The following AKAP19 variants were observed in gnomAD, a reference collection of about 807,000 sequenced individuals.
AKAP19 encodes small A-kinase anchoring protein.
the AKAP19 span, among the ~76,000 whole-genome samples, chr2:190,069,173 T>TGAGAGAGAGAGA: frequency 3.0e-5 from 3 of 98,858 alleles, no homozygotes; most frequent in African/African-American, 1.0e-4. Flanking sequence ...TGTGTGTGTG[T>TGAGAGAGAGAGA]GTGAGAGAGA....
chr2:190,076,196 C>T, the AKAP19 span, among the ~76,000 whole-genome samples: 2 of 152,104 alleles, frequency 1.3e-5, no homozygotes, highest in African/African-American at 4.8e-5. Flanking sequence ...AGTGTTTCAA[C>T]ATAAACACTT....
the AKAP19 span, among the ~76,000 whole-genome samples, chr2:190,146,560 C>A: frequency 6.6e-6 from 1 of 152,266 alleles, no homozygotes; most frequent in South Asian, 2.1e-4. Context: ...ACTTTTAGTT[C>A]TTTAAGGAAT....
At chr2:189,887,428 C>T in the AKAP19 span, among the ~76,000 whole-genome samples, 5 of 152,174 alleles carry the variant, frequency 3.3e-5, no homozygotes, top group African/African-American at 1.2e-4. Flanking sequence ...GACAGTGCCG[C>T]AATAAACCTA....
At chr2:190,191,172 C>CT in the AKAP19 span, among the ~76,000 whole-genome samples, 28 of 152,270 alleles carry the variant, frequency 1.8e-4, no homozygotes, top group East Asian at 4.8e-3. Context: ...GAGTCTCACT[C>CT]TGTCACCCAG....
the AKAP19 span, among the ~76,000 whole-genome samples, chr2:190,026,034 G>C: frequency 2.0e-5 from 3 of 152,106 alleles, no homozygotes; most frequent in African/African-American, 7.2e-5. Flanking sequence ...TTAAACTGCT[G>C]AACATCTGCT....
the AKAP19 span, chr2:190,137,932 C>G: frequency 1.6e-3 from 6 of 3,660 alleles, no homozygotes; most frequent in African/African-American, 1.8e-3. Context: ...TTACTTTCTA[C>G]CCATCTCTGA....
the AKAP19 span, among the ~76,000 whole-genome samples, chr2:190,128,481 G>A: frequency 3.3e-5 from 5 of 152,318 alleles, no homozygotes; most frequent in Admixed American, 2.0e-4. Context: ...GAACTGTAAC[G>A]GAGAAGGAGA....
the AKAP19 span, among the ~76,000 whole-genome samples, chr2:189,901,481 G>C: frequency 1.3e-5 from 2 of 152,066 alleles, no homozygotes; most frequent in South Asian, 4.1e-4. Flanking sequence ...GGGACTACAG[G>C]CAAATGCCAC....
chr2:189,938,962 C>T, the AKAP19 span, among the ~76,000 whole-genome samples: 1 of 152,206 alleles, frequency 6.6e-6, no homozygotes, highest in African/African-American at 2.4e-5. Context: ...CATTTCTCCT[C>T]CTGACTCATG....
At chr2:189,981,147 C>T in the AKAP19 span, among the ~76,000 whole-genome samples, 1 of 152,164 alleles carries the variant, frequency 6.6e-6, no homozygotes, top group African/African-American at 2.4e-5. Flanking sequence ...GTATGGCTCT[C>T]TCTTAGGTCT....
At chr2:189,968,246 A>G in the AKAP19 span, among the ~76,000 whole-genome samples, 1 of 152,184 alleles carries the variant, frequency 6.6e-6, no homozygotes, top group Non-Finnish European at 1.5e-5. Flanking sequence ...ATATTTATTT[A>G]CTTATTGTAG....
chr2:190,163,572 A>G, the AKAP19 span, among the ~76,000 whole-genome samples: 35,192 of 152,198 alleles, frequency 0.23, 4,262 homozygotes, highest in Admixed American at 0.33. Flanking sequence ...TATTTAACAG[A>G]CATATCTTGA....
chr2:190,128,536 T>C, the AKAP19 span, among the ~76,000 whole-genome samples: 2 of 152,184 alleles, frequency 1.3e-5, no homozygotes, highest in Admixed American at 1.3e-4. Context: ...CTGCCAAAGA[T>C]TAGTCATATG....
At chr2:190,042,330 G>A in the AKAP19 span, among the ~76,000 whole-genome samples, 1 of 151,900 alleles carries the variant, frequency 6.6e-6, no homozygotes, top group South Asian at 2.1e-4. Context: ...AGTTTCTGAT[G>A]GTTGTTTTTG....
At chr2:190,126,831 A>C in the AKAP19 span, among the ~76,000 whole-genome samples, 1 of 152,144 alleles carries the variant, frequency 6.6e-6, no homozygotes, top group Non-Finnish European at 1.5e-5. Context: ...AGACATCAAA[A>C]GACTTGTCAA....
chr2:190,103,134 C>T, the AKAP19 span, among the ~76,000 whole-genome samples: 1 of 152,026 alleles, frequency 6.6e-6, no homozygotes, highest in Non-Finnish European at 1.5e-5. Context: ...TGGATAAAAC[C>T]TAACATCCTT....
chr2:189,965,565 G>T, the AKAP19 span, among the ~76,000 whole-genome samples: 1 of 151,898 alleles, frequency 6.6e-6, no homozygotes, highest in African/African-American at 2.4e-5. Context: ...CAGCATGAAT[G>T]ATCAGGGAAA....
chr2:189,907,125 A>C, the AKAP19 span, among the ~76,000 whole-genome samples: 200 of 152,314 alleles, frequency 1.3e-3, no homozygotes, highest in Non-Finnish European at 1.7e-3. Context: ...CTTGAACTAC[A>C]GAAATCATTT....
chr2:189,935,731 C>T, the AKAP19 span, among the ~76,000 whole-genome samples: 1 of 152,086 alleles, frequency 6.6e-6, no homozygotes, highest in African/African-American at 2.4e-5. Context: ...AAAATCTTCA[C>T]ATTTCACATA....
Sources: gnomAD v4.1 joint callset for allele counts (sites outside exome capture counted in the v4.1 genomes callset) on GRCh38, gnomAD v4.1.1 for gene constraint, MANE v1.5 for transcripts, NCBI Gene and HGNC (gene_info 2026-07-23, HGNC 2026-07-21) for gene names.